SNTG1: variants seen among roughly 807,000 people sequenced by gnomAD.
SNTG1 encodes gamma-1-syntrophin.
SNTG1 carries 39 observed loss-of-function variants against 74.7 expected under a neutral mutation model. That is an observed-to-expected ratio of 0.52 (90% CI 0.40 to 0.68). The LOEUF is 0.68. SNTG1 is among the 30% of genes least tolerant of loss of function. The pLI is 0.00. For synonymous variants in SNTG1, 254 were observed against 217.1 expected (o/e 1.17, Z -1.49); for missense variants, 685 against 609.5 (o/e 1.12, Z -1.30).
intron 17 of SNTG1, among the ~76,000 whole-genome samples, chr8:50,743,190 A>G (rs72645810): frequency 0.054 from 8,257 of 151,982 alleles, 272 homozygotes; most frequent in Non-Finnish European, 0.072. Context: ...CCAGAAGAAG[A>G]TGCTACAAGA....
chr8:50,133,777 T>G (rs1258239777), intron 1 of SNTG1, among the ~76,000 whole-genome samples: 4 of 152,188 alleles, frequency 2.6e-5, no homozygotes, highest in African/African-American at 9.6e-5. Flanking sequence ...CCCACCCTAC[T>G]CCAGTATGAC....
At chr8:50,529,788 G>A in intron 9 of SNTG1, among the ~76,000 whole-genome samples, 1 of 151,926 alleles carries the variant, frequency 6.6e-6, no homozygotes, top group Non-Finnish European at 1.5e-5. Flanking sequence ...CTAAGGGTAG[G>A]ATTTACCACT....
Position 50,776,084 on chromosome 8 carries a change from C to T in SNTG1, c.1396-16587C>T, listed in dbSNP as rs1316833258. Reference sequence around the variant, plus strand: ...TGTATTGATTGGTGTATTTAGACAACTTACTTTTATTTTAATTATTGATGT... The same window carrying T: ...TGTATTGATTGGTGTATTTAGACAATTTACTTTTATTTTAATTATTGATGT... On this transcript the variant is annotated intron_variant, in intron 18 of 18. Coordinates refer to ENST00000642720, the MANE Select transcript of SNTG1 (RefSeq NM_018967.5). Among the ~76,000 whole-genome samples the T allele has an allele frequency of 2.6e-5, 4 of 151,336 alleles. No individual in the cohort carries two copies. The East Asian group carries it at 5.8e-4, about 22-fold the overall frequency.
intron 2 of SNTG1, among the ~76,000 whole-genome samples, chr8:50,277,264 CAAA>C (rs11361478): frequency 7.4e-5 from 7 of 95,138 alleles, no homozygotes; most frequent in Admixed American, 2.2e-4. Flanking sequence ...AAGACCCTGC[CAAA>C]AAAAAAAAAA....
At chr8:50,104,009 A>G (rs203628) in intron 1 of SNTG1, among the ~76,000 whole-genome samples, 131,712 of 152,180 alleles carry the variant, frequency 0.87, 57,138 homozygotes, top group East Asian at 0.99. Context: ...CAGGGATATC[A>G]GTCTAAAATT....
chr8:50,565,030 T>C (rs530320374), intron 12 of SNTG1, among the ~76,000 whole-genome samples: 10 of 152,154 alleles, frequency 6.6e-5, no homozygotes, highest in Admixed American at 4.6e-4. Flanking sequence ...ACCCTTGATA[T>C]GATGTAACAA....
chr8:50,038,211 T>G (rs1473198788), intron 1 of SNTG1, among the ~76,000 whole-genome samples: 1 of 152,144 alleles, frequency 6.6e-6, no homozygotes. Context: ...CACCCTTCCC[T>G]CTGGCTGATC....
chr8:50,528,664 T>G (rs2130289931), intron 9 of SNTG1, among the ~76,000 whole-genome samples: 1 of 151,976 alleles, frequency 6.6e-6, no homozygotes, highest in South Asian at 2.1e-4. Context: ...ATTTGTTCAC[T>G]TCAACTAAGT....
In SNTG1 at chr8:50,159,773, C is replaced by T. The variant is rs140646658; in HGVS notation, c.-102-12788C>T. On this transcript the variant is annotated intron_variant, in intron 1 of 18. Coordinates refer to ENST00000642720, the MANE Select transcript of SNTG1 (RefSeq NM_018967.5). ...AGTGTTTCTATGGAGTGTTCACAGG[C>T]ATCCTCTCATTCTACCCTTATTCAT... is the stretch of plus-strand genomic sequence containing the variant. Among the ~76,000 whole-genome samples the T allele has an allele frequency of 4.1e-3, 624 of 152,260 alleles. 3 individuals are homozygous for T. Among genetic ancestry groups the T allele is most frequent in the Non-Finnish European group, 7.3e-3 (497 of 68,012 alleles).
intron 4 of SNTG1, 87 bp from the exon 5 acceptor site, chr8:50,438,456 C>T (rs1031295951): frequency 7.8e-6 from 9 of 1,154,430 alleles, no homozygotes; most frequent in African/African-American, 1.6e-5. Flanking sequence ...AAGCAAAACC[C>T]AGAAGAAAAC....
intron 2 of SNTG1, among the ~76,000 whole-genome samples, chr8:50,392,704 C>T (rs1387500033): frequency 6.6e-6 from 1 of 151,862 alleles, no homozygotes; most frequent in Non-Finnish European, 1.5e-5. Flanking sequence ...ATATTATCAC[C>T]TAATGTTTTG....
At chr8:50,340,076 A>T (rs1041477307) in intron 2 of SNTG1, among the ~76,000 whole-genome samples, 1 of 152,044 alleles carries the variant, frequency 6.6e-6, no homozygotes, top group Non-Finnish European at 1.5e-5. Flanking sequence ...ATTAAAGAAG[A>T]TATAAATAAA....
chr8:50,470,716 C>A (rs536794349), intron 8 of SNTG1, among the ~76,000 whole-genome samples: 2 of 152,116 alleles, frequency 1.3e-5, no homozygotes, highest in African/African-American at 4.8e-5. Flanking sequence ...AAGCTGTAGA[C>A]CTTCGCTGTG....
chr8:50,432,594 C>G (rs1432451964), intron 4 of SNTG1, among the ~76,000 whole-genome samples: 1 of 151,980 alleles, frequency 6.6e-6, no homozygotes, highest in Non-Finnish European at 1.5e-5. Context: ...TTTTAAAAAT[C>G]AAGTTGGAAA....
At chr8:49,981,120 C>T (rs528488462) in intron 1 of SNTG1, among the ~76,000 whole-genome samples, 12 of 152,136 alleles carry the variant, frequency 7.9e-5, no homozygotes, top group Non-Finnish European at 1.6e-4. Flanking sequence ...AATCTCCTGG[C>T]AGGCCAGGGT....
chr8:50,064,953 T>C (rs1820782205), intron 1 of SNTG1, among the ~76,000 whole-genome samples: 3 of 152,292 alleles, frequency 2.0e-5, no homozygotes, highest in Non-Finnish European at 4.4e-5. Context: ...CTCACTGGCA[T>C]GTTAAAATAT....
chr8:50,087,647 T>A (rs545880218), intron 1 of SNTG1, among the ~76,000 whole-genome samples: 1 of 152,180 alleles, frequency 6.6e-6, no homozygotes, highest in Non-Finnish European at 1.5e-5. Context: ...ATAAACTTAA[T>A]AACTTTCCTT....
At chr8:50,213,915 C>T (rs1360845639) in intron 2 of SNTG1, among the ~76,000 whole-genome samples, 3 of 151,736 alleles carry the variant, frequency 2.0e-5, no homozygotes, top group Non-Finnish European at 4.4e-5. Flanking sequence ...TTTTGCTGTG[C>T]AGAAGCTCTT....
intron 1 of SNTG1, among the ~76,000 whole-genome samples, chr8:49,978,493 C>A (rs1049508620): frequency 7.2e-5 from 11 of 152,176 alleles, no homozygotes; most frequent in Non-Finnish European, 5.9e-5. Flanking sequence ...GCATGGGTGG[C>A]CTTCATTCAT....
Sources: gnomAD v4.1 joint callset for allele counts (sites outside exome capture counted in the v4.1 genomes callset) on GRCh38, gnomAD v4.1.1 for gene constraint, MANE v1.5 for transcripts, NCBI Gene and HGNC (gene_info 2026-07-23, HGNC 2026-07-21) for gene names.